INPP4B: variants seen among roughly 807,000 people sequenced by gnomAD.
The protein encoded by INPP4B is inositol polyphosphate 4-phosphatase type II.
INPP4B carries 55 observed loss-of-function variants against 122.5 expected under a neutral mutation model. The ratio of observed to expected loss-of-function variants is 0.45; its 90% CI spans 0.36 to 0.56. INPP4B has a LOEUF of 0.56. INPP4B is among the 20% of genes least tolerant of loss of function. The probability of loss-of-function intolerance (pLI) is 0.00; values close to 1 mark genes in which losing one functional copy is unlikely to be tolerated. For missense variants in INPP4B, 1,000 were observed against 1,097.7 expected (o/e 0.91, Z 1.26); for synonymous variants, 403 against 388.7 (o/e 1.04, Z -0.43).
intron 1 of INPP4B, among the ~76,000 whole-genome samples, chr4:142,789,991 T>C (rs1398704763): frequency 1.3e-5 from 2 of 151,978 alleles, no homozygotes; most frequent in African/African-American, 4.8e-5. Context: ...AAGAGCACCA[T>C]ATTCAACAAA....
rs1399914770 is a variant in INPP4B, at chr4:142,545,788, TATGTGTGTATATATATACACATATAC to T, written c.-190-83088_-190-83063del. Among the ~76,000 whole-genome samples, 76 of 105,782 alleles carry T rather than the reference TATGTGTGTATATATATACACATATAC, an allele frequency of 7.2e-4. 1 individual carries two copies. The highest frequency in any genetic ancestry group is 1.7e-3 in the South Asian group (5 of 2,876). The allele number at this position is 105,782 out of a possible 152,430, so 69.4% of individuals were successfully genotyped here. A position where few individuals can be genotyped will look rare whatever the true frequency, so the allele number is the denominator to read the frequency against. On this transcript the variant is annotated intron_variant, in intron 2 of 25. Transcript: ENST00000262992. ...ATGTGTGTATATATATACACATATA[TATGTGTGTATATATATACACATATAC>T]ATGTGTGTATATATATATATATAAA...
intron 1 of INPP4B, among the ~76,000 whole-genome samples, chr4:142,782,553 T>G (rs371610530): frequency 0.076 from 11,401 of 149,912 alleles, 475 homozygotes; most frequent in Middle Eastern, 0.12. Context: ...CTGAGGAATC[T>G]CCACACTGAC....
intron 1 of INPP4B, among the ~76,000 whole-genome samples, chr4:142,793,046 A>G (rs1776768124): frequency 6.6e-6 from 1 of 151,974 alleles, no homozygotes; most frequent in Non-Finnish European, 1.5e-5. Context: ...GACTATCCCA[A>G]GATACCCTCT....
At chr4:142,679,647 T>A (rs966443706) in intron 2 of INPP4B, among the ~76,000 whole-genome samples, 2 of 151,750 alleles carry the variant, frequency 1.3e-5, no homozygotes, top group Non-Finnish European at 2.9e-5. Flanking sequence ...AGGCAGTCTG[T>A]TCTGTGACAC....
intron 11 of INPP4B, among the ~76,000 whole-genome samples, chr4:142,259,377 A>G (rs957992070): frequency 6.6e-6 from 1 of 151,020 alleles, no homozygotes; most frequent in Non-Finnish European, 1.5e-5. Flanking sequence ...ATAAAAAAAA[A>G]GAAAAAAAAA....
At chr4:142,191,132 A>T (rs772225006) in intron 15 of INPP4B, among the ~76,000 whole-genome samples, 1 of 152,202 alleles carries the variant, frequency 6.6e-6, no homozygotes, top group Non-Finnish European at 1.5e-5. Context: ...TAGACAAAAC[A>T]TATATGTCAC....
chr4:142,513,537 A>G (rs7435624), intron 2 of INPP4B, among the ~76,000 whole-genome samples: 1 of 151,982 alleles, frequency 6.6e-6, no homozygotes, highest in Admixed American at 6.6e-5. Context: ...CCTCCTGAGT[A>G]GCTGGGATTA....
chr4:142,676,846 T>C (rs1461460752), intron 2 of INPP4B, among the ~76,000 whole-genome samples: 2 of 152,082 alleles, frequency 1.3e-5, no homozygotes, highest in African/African-American at 4.8e-5. Context: ...TAACTCAAGA[T>C]GGATTAAAGA....
chr4:142,159,388 T>C (rs1435860908), intron 17 of INPP4B, among the ~76,000 whole-genome samples: 1 of 152,060 alleles, frequency 6.6e-6, no homozygotes, highest in African/African-American at 2.4e-5. Context: ...ATTTACCTCT[T>C]GGAGCCCACC....
chr4:142,074,854 AT>A (rs750940910), intron 25 of INPP4B, among the ~76,000 whole-genome samples: 1 of 151,668 alleles, frequency 6.6e-6, no homozygotes, highest in Non-Finnish European at 1.5e-5. Flanking sequence ...CACTACTCTT[AT>A]CCACTTAGAT....
At chr4:142,707,559 G>C (rs908584374) in intron 2 of INPP4B, among the ~76,000 whole-genome samples, 4 of 152,148 alleles carry the variant, frequency 2.6e-5, no homozygotes, top group African/African-American at 9.7e-5. Flanking sequence ...AAAGTGTGTA[G>C]CACCTCCCCC....
intron 2 of INPP4B, among the ~76,000 whole-genome samples, chr4:142,595,809 C>T (rs1738566735): frequency 6.6e-6 from 1 of 152,108 alleles, no homozygotes; most frequent in Admixed American, 6.6e-5. Context: ...ATAAATCCAC[C>T]TGACTACTTC....
At chr4:142,635,949 T>C (rs1749062335) in intron 2 of INPP4B, among the ~76,000 whole-genome samples, 1 of 152,108 alleles carries the variant, frequency 6.6e-6, no homozygotes, top group African/African-American at 2.4e-5. Flanking sequence ...TAAAAATAAT[T>C]TTCGGTGATA....
rs1018138422 is a variant in INPP4B at position 142,024,402 on chromosome 4, G to T, written c.*4380C>A. 1.3e-5 allele frequency: 2 copies of T among 152,024 alleles called. No homozygotes were observed. The highest frequency in any genetic ancestry group is 4.8e-5 in the African/African-American group (2 of 41,412). The allele number at this position is 152,024 out of a possible 1,614,324, so 9.4% of individuals were successfully genotyped here. A position where few individuals can be genotyped will look rare whatever the true frequency, so the allele number is the denominator to read the frequency against. ...CATCTCTCACCAAATCATTCTTTTTGGTCGTGCATAATTTTTAAGGCCTCC... is the reference window on the plus strand; with the variant it reads ...CATCTCTCACCAAATCATTCTTTTTTGTCGTGCATAATTTTTAAGGCCTCC... On this transcript the variant is annotated 3_prime_UTR_variant, in exon 26 of 26. Coordinates refer to ENST00000262992, the MANE Select transcript of INPP4B (RefSeq NM_001101669.3).
Position 142,305,488 on chromosome 4 carries a change from G to T in INPP4B, c.473C>A (p.Ser158Ter). The change falls in exon 9 of 26, where the codon TCA becomes TAA. Residue 158 changes from serine (S) to a stop codon, truncating the protein, a stop_gained. Coordinates refer to ENST00000262992, the MANE Select transcript of INPP4B (RefSeq NM_001101669.3). LOFTEE classifies it high-confidence loss of function. Reference protein sequence around the residue: ...ASFKVGELLKSKEQLLVLSLR... With the variant: ...ASFKVGELLK ...GCTCAGGACCAGCAATTGCTCCTTT[G>T]ACTTCAGCAGCTCTCCCACTTTAAA... 2 of 1,612,936 alleles carry T rather than the reference G, an allele frequency of 1.2e-6. No individual in the cohort carries two copies. The highest frequency in any genetic ancestry group is 2.2e-5 in the South Asian group (2 of 90,980).
chr4:142,443,769 G>T (rs1418985534), intron 3 of INPP4B, among the ~76,000 whole-genome samples: 1 of 152,120 alleles, frequency 6.6e-6, no homozygotes, highest in African/African-American at 2.4e-5. Context: ...CAGTCTCCAG[G>T]CATCTAAACC....
intron 2 of INPP4B, among the ~76,000 whole-genome samples, chr4:142,663,024 C>A (rs1755467155): frequency 6.6e-6 from 1 of 151,998 alleles, no homozygotes; most frequent in African/African-American, 2.4e-5. Context: ...GTTACTGGAA[C>A]AAGTTGGGGG....
chr4:142,838,803 T>C (rs1228367174), intron 1 of INPP4B, among the ~76,000 whole-genome samples: 1 of 152,210 alleles, frequency 6.6e-6, no homozygotes, highest in Non-Finnish European at 1.5e-5. Context: ...ACTTCAACTC[T>C]ATATGAAATC....
At chr4:142,214,517 TG>T (rs1244565590) in intron 12 of INPP4B, among the ~76,000 whole-genome samples, 1 of 152,222 alleles carries the variant, frequency 6.6e-6, no homozygotes, top group African/African-American at 2.4e-5. Flanking sequence ...AAGGTCTTAA[TG>T]ATAGGTGAAT....
Sources: allele counts gnomAD v4.1 joint callset (sites outside exome capture counted in the v4.1 genomes callset), GRCh38; gene constraint gnomAD v4.1.1; transcripts MANE v1.5; gene names NCBI Gene and HGNC (gene_info 2026-07-23, HGNC 2026-07-21).